Variants in SLIT2 observed in about 807,000 individuals in gnomAD.
SLIT2 encodes the protein slit homolog 2 protein.
A neutral mutation model predicts 185.7 loss-of-function variants in SLIT2; 41 were observed. The observed-to-expected ratio is 0.22, with a 90% confidence interval of 0.17 to 0.29. SLIT2 has a LOEUF of 0.29. Among genes scored for constraint, SLIT2 ranks in the 10% least tolerant of loss-of-function variants. The probability of loss-of-function intolerance (pLI) is 1.00; values close to 1 mark genes in which losing one functional copy is unlikely to be tolerated. For synonymous variants in SLIT2, 693 were observed against 680.2 expected (o/e 1.02, Z -0.29); for missense variants, 1,571 against 1,909.0 (o/e 0.82, Z 3.30).
At chr4:20,259,640 C>T (rs182523251) in intron 3 of SLIT2, among the ~76,000 whole-genome samples, 1 of 151,688 alleles carries the variant, frequency 6.6e-6, no homozygotes, top group Non-Finnish European at 1.5e-5. Context: ...ACTTATTAAC[C>T]AGATGCTATA....
At chr4:20,343,031 A>G (rs1041421313) in intron 4 of SLIT2, among the ~76,000 whole-genome samples, 4 of 152,046 alleles carry the variant, frequency 2.6e-5, no homozygotes, top group Non-Finnish European at 5.9e-5. Flanking sequence ...ACAATAATCA[A>G]TTCAGGGTGT....
Position 20,490,662 on chromosome 4 carries a change from C to G in SLIT2, c.776-1099C>G. 3 of 602,792 alleles carry G rather than the reference C, an allele frequency of 5.0e-6. No homozygotes were observed. The South Asian group carries it at 6.6e-5, about 13-fold the overall frequency. The allele number at this position is 602,792 out of a possible 1,614,324, so 37.3% of individuals were successfully genotyped here. ...TTGTGTTTTTTCACATGTTTTATAA[C>G]CTAAGAAAAATTTTTGTATAATATC... On this transcript the variant is annotated intron_variant, in intron 8 of 36. Coordinates refer to ENST00000504154, the MANE Select transcript of SLIT2 (RefSeq NM_004787.4).
intron 4 of SLIT2, among the ~76,000 whole-genome samples, chr4:20,445,276 T>C (rs1477191977): frequency 6.6e-6 from 1 of 152,230 alleles, no homozygotes; most frequent in African/African-American, 2.4e-5. Context: ...TGTGTTACCT[T>C]AAATGGAGAT....
chr4:20,362,530 T>C (rs572281472), intron 4 of SLIT2, among the ~76,000 whole-genome samples: 2 of 152,152 alleles, frequency 1.3e-5, no homozygotes, highest in African/African-American at 4.8e-5. Flanking sequence ...TGGATGTTTG[T>C]ATTAATATAA....
chr4:20,570,551 G>A (rs1006959007), intron 29 of SLIT2, among the ~76,000 whole-genome samples: 2 of 151,506 alleles, frequency 1.3e-5, no homozygotes, highest in African/African-American at 4.8e-5. Flanking sequence ...TCTTAGGATA[G>A]AATAATTCTC....
At chr4:20,380,730 A>G (rs1051354826) in intron 4 of SLIT2, among the ~76,000 whole-genome samples, 1 of 152,148 alleles carries the variant, frequency 6.6e-6, no homozygotes, top group African/African-American at 2.4e-5. Context: ...TGAAGCAGAA[A>G]AAAGTACTGA....
intron 4 of SLIT2, among the ~76,000 whole-genome samples, chr4:20,328,093 A>G (rs1560321121): frequency 1.3e-5 from 2 of 152,068 alleles, no homozygotes; most frequent in Admixed American, 6.6e-5. Context: ...GAACTACCCT[A>G]CAAGGTTTCT....
chr4:20,359,934 C>T (rs761905019), intron 4 of SLIT2, among the ~76,000 whole-genome samples: 1 of 151,992 alleles, frequency 6.6e-6, no homozygotes, highest in Non-Finnish European at 1.5e-5. Flanking sequence ...AGTGACAATG[C>T]ATTTTAGAGA....
intron 4 of SLIT2, among the ~76,000 whole-genome samples, chr4:20,318,335 C>T (rs1351399330): frequency 6.6e-6 from 1 of 152,160 alleles, no homozygotes; most frequent in African/African-American, 2.4e-5. Flanking sequence ...TTGGAGCGCA[C>T]TTAGCTGAAT....
In SLIT2 at chr4:20,480,734, G is replaced by T; in HGVS notation, c.486G>T (p.Gln162His). Residue 162 changes from glutamine to histidine, a missense_variant, in exon 6 of 37, where the codon CAG (glutamine) becomes CAT (histidine). By Grantham distance (24) the Gln-to-His change is conservative. Coordinates refer to ENST00000504154, the MANE Select transcript of SLIT2 (RefSeq NM_004787.4). ...DIKNLQLDYN[Q>H]ISCIEDGAFR... ...TTAACAGGCAACTGGATTACAACCAGATCAGCTGTATTGAAGATGGGGCAT... is the reference window on the plus strand; with the variant it reads ...TTAACAGGCAACTGGATTACAACCATATCAGCTGTATTGAAGATGGGGCAT... 2 of 1,613,248 alleles carry T rather than the reference G, an allele frequency of 1.2e-6. No individual in the cohort carries two copies. The highest frequency in any genetic ancestry group is 1.3e-5 in the African/African-American group (1 of 74,974).
Position 20,284,706 on chromosome 4 carries a change from T to TCAGGA in SLIT2, c.395+15825_395+15826insCAGGA, listed in dbSNP as rs538564882. Among the ~76,000 whole-genome samples, 744 of 152,338 alleles carry TCAGGA rather than the reference T, an allele frequency of 4.9e-3. 2 individuals are homozygous for TCAGGA. The highest frequency in any genetic ancestry group is 7.5e-3 in the Non-Finnish European group (512 of 68,028). On this transcript the variant is annotated intron_variant, in intron 4 of 36. Coordinates refer to ENST00000504154, the MANE Select transcript of SLIT2 (RefSeq NM_004787.4). ...TTTGACTGTAATATATTAATTCTGT[T>TCAGGA]TACAAAATCCTGAAGAAAGGGCTGT...
At chr4:20,617,331 C>A in intron 35 of SLIT2, 108 bp from the exon 36 acceptor site, 1 of 1,357,306 alleles carries the variant, frequency 7.4e-7, no homozygotes, top group Admixed American at 1.9e-5. Flanking sequence ...GGCATTAGCA[C>A]TCTGTCCCTC....
At chr4:20,371,041 G>A (rs1397587052) in intron 4 of SLIT2, among the ~76,000 whole-genome samples, 1 of 151,978 alleles carries the variant, frequency 6.6e-6, no homozygotes, top group Non-Finnish European at 1.5e-5. Context: ...TTCATTAGGG[G>A]ATGGCATAGT....
intron 4 of SLIT2, among the ~76,000 whole-genome samples, chr4:20,360,230 G>A (rs959069797): frequency 6.6e-6 from 1 of 152,092 alleles, no homozygotes; most frequent in Admixed American, 6.6e-5. Context: ...CCTATTATCT[G>A]TCCCTTTTTA....
intron 33 of SLIT2, among the ~76,000 whole-genome samples, chr4:20,599,583 T>A (rs948946436): frequency 7.2e-5 from 11 of 152,278 alleles, no homozygotes; most frequent in African/African-American, 2.6e-4. Context: ...CAATAGTAAA[T>A]ATTTGTCAAA....
At chr4:20,541,274 T>C (rs1350911666) in intron 19 of SLIT2, among the ~76,000 whole-genome samples, 179 bp from the exon 20 acceptor site, 1 of 151,174 alleles carries the variant, frequency 6.6e-6, no homozygotes, top group Non-Finnish European at 1.5e-5. Context: ...AAATATTTTA[T>C]CAAAAAAAAA....
intron 7 of SLIT2, 141 bp downstream of exon 7, chr4:20,486,412 A>G (rs912791309): frequency 1.4e-5 from 8 of 577,060 alleles, no homozygotes; most frequent in Non-Finnish European, 1.9e-5. Flanking sequence ...ACTAGATATG[A>G]TATTTGTGGG....
rs1401685847 is a variant in SLIT2, at chr4:20,440,372, C to T, written c.396-27380C>T. ...GTCAGAGTGGGGACCATGTGTCAGT[C>T]TCTCAAAGAAGATATATGGTCTTGT... On this transcript the variant is annotated intron_variant, in intron 4 of 36. Transcript: ENST00000504154. Among the ~76,000 whole-genome samples, 5 of 152,148 alleles carry T rather than the reference C, an allele frequency of 3.3e-5. No individual in the cohort carries two copies. In the East Asian group the frequency reaches 7.7e-4, roughly 23 times the overall value.
chr4:20,302,721 G>T (rs1379840877), intron 4 of SLIT2, among the ~76,000 whole-genome samples: 1 of 152,168 alleles, frequency 6.6e-6, no homozygotes, highest in Non-Finnish European at 1.5e-5. Flanking sequence ...GAGAGTAATC[G>T]ATTGGAGGAT....
Sources: allele counts gnomAD v4.1 joint callset (sites outside exome capture counted in the v4.1 genomes callset), GRCh38; gene constraint gnomAD v4.1.1; transcripts MANE v1.5; gene names NCBI Gene and HGNC (gene_info 2026-07-23, HGNC 2026-07-21).